MTUS1: variants seen among roughly 807,000 people sequenced by gnomAD.
MTUS1 encodes microtubule associated scaffold protein 1.
A neutral mutation model predicts 120.8 loss-of-function variants in MTUS1; 109 were observed. The ratio of observed to expected loss-of-function variants is 0.90; its 90% CI spans 0.77 to 1.06. MTUS1 has a LOEUF of 1.06. Among genes scored for constraint, MTUS1 ranks in the 50% least tolerant of loss-of-function variants. The probability of loss-of-function intolerance (pLI) is 0.00; values close to 1 mark genes in which losing one functional copy is unlikely to be tolerated. For missense variants in MTUS1, 2,210 were observed against 1,486.3 expected (o/e 1.49, Z -8.01); for synonymous variants, 737 against 550.5 (o/e 1.34, Z -4.74).
At chr8:17,657,878 C>T (rs369966304) in intron 8 of MTUS1, among the ~76,000 whole-genome samples, 19 of 149,664 alleles carry the variant, frequency 1.3e-4, no homozygotes, top group African/African-American at 3.4e-4. Context: ...CATATGTGCA[C>T]GTATATATGC....
At chr8:17,730,217 C>T (rs1269866313) in intron 3 of MTUS1, among the ~76,000 whole-genome samples, 4 of 152,162 alleles carry the variant, frequency 2.6e-5, no homozygotes, top group African/African-American at 9.7e-5. Context: ...GTGGCTCGTG[C>T]CTGTAATCCC....
At chr8:17,725,300 C>T (rs1036536315) in intron 3 of MTUS1, among the ~76,000 whole-genome samples, 1 of 152,148 alleles carries the variant, frequency 6.6e-6, no homozygotes, top group African/African-American at 2.4e-5. Context: ...CGATTTTGCT[C>T]ATAAAAACCT....
At chr8:17,774,131 G>C (rs764574254) in intron 1 of MTUS1, among the ~76,000 whole-genome samples, 2 of 152,094 alleles carry the variant, frequency 1.3e-5, no homozygotes, top group East Asian at 1.9e-4. Flanking sequence ...CTTAAAGCTC[G>C]TTTTCCTAGA....
In MTUS1 at chr8:17,737,182, G is replaced by T. The variant is rs149326820; in HGVS notation, c.2287+6422C>A. ...ACAGACTGTGGGGCCAGAACACCCG[G>T]CCCATTTCCCGTCTCCACCAATTAC... On this transcript the variant is annotated intron_variant, in intron 3 of 14. Transcript: ENST00000693296. Among the ~76,000 whole-genome samples the T allele has an allele frequency of 6.0e-3, 911 of 152,270 alleles. 11 individuals are homozygous for T. The highest frequency in any genetic ancestry group is 0.02 in the African/African-American group (844 of 41,562).
intron 3 of MTUS1, among the ~76,000 whole-genome samples, chr8:17,742,890 TG>T (rs1353583403): frequency 1.3e-5 from 2 of 152,200 alleles, no homozygotes; most frequent in Non-Finnish European, 2.9e-5. Flanking sequence ...GACTTTAATT[TG>T]CCCAAGGCTG....
chr8:17,681,791 C>A (rs1034763592), intron 7 of MTUS1: 1 of 154,616 alleles, frequency 6.5e-6, no homozygotes, highest in Non-Finnish European at 1.5e-5. Flanking sequence ...ACCAGACTCC[C>A]CAAAACAAAA....
At chr8:17,664,661 T>C (rs914459851) in intron 8 of MTUS1, among the ~76,000 whole-genome samples, 1 of 152,056 alleles carries the variant, frequency 6.6e-6, no homozygotes, top group African/African-American at 2.4e-5. Context: ...ACTTCTCTTG[T>C]GCCCCACCCC....
chr8:17,716,918 G>A lies in MTUS1; in HGVS notation c.2450-1017C>T, dbSNP rs141278210. On this transcript the variant is annotated intron_variant, in intron 4 of 14. Transcript: ENST00000693296. The stretch of plus-strand genomic sequence containing the variant: ...ACCCAATTCTATTCTACTATTCAAC[G>A]CTTATAAATTTCTTTATTACCAACT... Among the ~76,000 whole-genome samples the A allele has an allele frequency of 1.4e-3, 217 of 152,196 alleles. 2 individuals are homozygous for A. The highest frequency in any genetic ancestry group is 5.1e-3 in the African/African-American group (210 of 41,516).
chr8:17,733,220 A>G (rs970007869), intron 3 of MTUS1, among the ~76,000 whole-genome samples: 3 of 152,064 alleles, frequency 2.0e-5, no homozygotes, highest in Non-Finnish European at 2.9e-5. Flanking sequence ...GCGTGGTGGC[A>G]GGCACCTACA....
rs1424548275 is a variant in MTUS1, at chr8:17,755,912, G to C, written c.-105C>G. 4.7e-6 allele frequency: 7 copies of C among 1,478,648 alleles called. No homozygotes were observed. In the East Asian group the frequency reaches 1.6e-4, roughly 34 times the overall value. The allele number at this position is 1,478,648 out of a possible 1,614,324, so 91.6% of individuals were successfully genotyped here. On this transcript the variant is annotated 5_prime_UTR_variant, in exon 2 of 15. Transcript: ENST00000693296. ...GTCTTCTAGGTTTTTCAGCACAGTT[G>C]AAAGGTTTTCAGTCTAAGATGCTCT... is the stretch of plus-strand genomic sequence containing the variant.
In MTUS1 at chr8:17,675,327, T is replaced by C. The variant is rs553950272; in HGVS notation, c.2839-75A>G. On this transcript the variant is annotated intron_variant, in intron 7 of 14. Transcript: ENST00000693296. ...CAGTAAGGTACACATTTGTTATCAC[T>C]AGGAAAATGAGACCCAGTATTGGGA... The C allele has an allele frequency of 8.2e-5, 110 of 1,338,852 alleles. 1 individual carries two copies. In the African/African-American group the frequency reaches 1.5e-3, roughly 18 times the overall value. The allele number at this position is 1,338,852 out of a possible 1,614,324, so 82.9% of individuals were successfully genotyped here.
At chr8:17,788,667 G>C (rs2051511577) in intron 1 of MTUS1, among the ~76,000 whole-genome samples, 1 of 152,066 alleles carries the variant, frequency 6.6e-6, no homozygotes. Context: ...CTCAATCTAA[G>C]TCAACATTCC....
intron 8 of MTUS1, among the ~76,000 whole-genome samples, chr8:17,660,288 G>A (rs565707867): frequency 5.3e-5 from 8 of 152,250 alleles, no homozygotes; most frequent in South Asian, 2.1e-4. Context: ...CAGGAGAATC[G>A]CTTGAACCCA....
intron 14 of MTUS1, 86 bp downstream of exon 14, chr8:17,646,896 G>A (rs1805907017): frequency 4.5e-6 from 4 of 884,362 alleles, no homozygotes; most frequent in East Asian, 2.5e-5. Context: ...TTTCCAGGAG[G>A]TGCAGGGGTA....
chr8:17,764,109 A>G (rs1024076357), intron 1 of MTUS1, among the ~76,000 whole-genome samples: 5 of 152,232 alleles, frequency 3.3e-5, no homozygotes, highest in African/African-American at 1.2e-4. Context: ...GTGATGATAG[A>G]TATTCTTAAA....
intron 9 of MTUS1, 88 bp from the exon 10 acceptor site, chr8:17,654,754 C>A: frequency 1.1e-6 from 1 of 870,852 alleles, no homozygotes; most frequent in Non-Finnish European, 1.9e-6. Flanking sequence ...GGAGACGTCA[C>A]AGCTTCACAG....
rs375887570 is a variant in MTUS1, at chr8:17,797,573, C to T, written c.-155+3488G>A. ...TCAAGCTAGCTGAGTTCATACCATC[C>T]CATCTAGTCCTTCATTTCCTGTGGG... On this transcript the variant is annotated intron_variant, in intron 1 of 14. Transcript: ENST00000693296. Among the ~76,000 whole-genome samples the T allele has an allele frequency of 2.6e-4, 39 of 152,226 alleles. No individual in the cohort carries two copies. In the East Asian group the frequency reaches 6.8e-3, roughly 26 times the overall value.
chr8:17,751,187 C>T (rs1332293376), intron 2 of MTUS1, among the ~76,000 whole-genome samples: 1 of 152,178 alleles, frequency 6.6e-6, no homozygotes, highest in East Asian at 1.9e-4. Flanking sequence ...GCATGTGCAC[C>T]TGTAGTCCCA....
chr8:17,656,110 T>C, intron 8 of MTUS1, 45 bp from the exon 9 acceptor site: 1 of 1,555,796 alleles, frequency 6.4e-7, no homozygotes, highest in Non-Finnish European at 8.9e-7. Context: ...ATTTTATTTG[T>C]GAAATGTCCT....
Sources: gnomAD v4.1 joint callset for allele counts (sites outside exome capture counted in the v4.1 genomes callset) on GRCh38, gnomAD v4.1.1 for gene constraint, MANE v1.5 for transcripts, NCBI Gene and HGNC (gene_info 2026-07-23, HGNC 2026-07-21) for gene names.